HTR2A: variants seen among roughly 807,000 people sequenced by gnomAD.
HTR2A encodes the protein 5-hydroxytryptamine receptor 2A.
A neutral mutation model predicts 31.0 loss-of-function variants in HTR2A; 14 were observed. The ratio of observed to expected loss-of-function variants is 0.45; its 90% CI spans 0.30 to 0.71. HTR2A has a LOEUF of 0.71. Among genes scored for constraint, HTR2A ranks in the 30% least tolerant of loss-of-function variants. HTR2A has a pLI of 0.09. For synonymous variants in HTR2A, 209 were observed against 225.2 expected (o/e 0.93, Z 0.64); for missense variants, 442 against 573.3 (o/e 0.77, Z 2.34).
intron 3 of HTR2A, among the ~76,000 whole-genome samples, chr13:46,843,050 C>T (rs1181798076): frequency 6.6e-6 from 1 of 152,174 alleles, no homozygotes; most frequent in Non-Finnish European, 1.5e-5. Flanking sequence ...GTAAGCCATC[C>T]CTTGGTACAG....
intron 3 of HTR2A, among the ~76,000 whole-genome samples, chr13:46,845,149 A>G (rs1467511139): frequency 6.6e-6 from 1 of 152,190 alleles, no homozygotes; most frequent in Non-Finnish European, 1.5e-5. Context: ...AACAAAATAT[A>G]CACAATTGAT....
chr13:46,863,289 A>G (rs1950793721), intron 3 of HTR2A, among the ~76,000 whole-genome samples: 1 of 152,212 alleles, frequency 6.6e-6, no homozygotes, highest in South Asian at 2.1e-4. Flanking sequence ...AAAGGGAATA[A>G]GAACAAAAGT....
rs571234833 is a variant in HTR2A, at chr13:46,858,661, G to T, written c.614-23022C>A. Among the ~76,000 whole-genome samples the T allele has an allele frequency of 7.2e-5, 11 of 152,276 alleles. No homozygotes were observed. The East Asian group carries it at 2.1e-3, about 29-fold the overall frequency. ...TAATCTAGTTTTATGCCTGTCAAAA[G>T]ATCAAGTCCTAAACTAAGGCTGAAC... On this transcript the variant is annotated intron_variant, in intron 3 of 3. Coordinates refer to ENST00000542664, the MANE Select transcript of HTR2A (RefSeq NM_000621.5).
chr13:46,888,117 TAAA>T (rs1440145708), intron 3 of HTR2A, among the ~76,000 whole-genome samples: 1 of 151,380 alleles, frequency 6.6e-6, no homozygotes, highest in African/African-American at 2.4e-5. Context: ...GCTTGAGTTA[TAAA>T]GAACTTAGGT....
chr13:46,863,630 G>GAAAAAAAAAAAAAAAA (rs59693757), intron 3 of HTR2A, among the ~76,000 whole-genome samples: 108 of 59,244 alleles, frequency 1.8e-3, no homozygotes, highest in African/African-American at 3.4e-3. Flanking sequence ...CCCTCAAAAT[G>GAAAAAAAAAAAAAAAA]AAAAAAAAAA....
At chr13:46,869,988 C>T (rs2138225650) in intron 3 of HTR2A, among the ~76,000 whole-genome samples, 1 of 152,148 alleles carries the variant, frequency 6.6e-6, no homozygotes, top group Middle Eastern at 3.4e-3. Context: ...GATGGTAGCA[C>T]AAGATTGTGA....
chr13:46,886,475 TTAAA>T (rs1177283757), intron 3 of HTR2A, among the ~76,000 whole-genome samples: 2 of 146,778 alleles, frequency 1.4e-5, no homozygotes, highest in African/African-American at 4.8e-5. Context: ...ACAGATTTTG[TTAAA>T]TAAATCTATC....
intron 3 of HTR2A, among the ~76,000 whole-genome samples, chr13:46,865,763 A>G (rs1480627942): frequency 1.3e-5 from 2 of 152,272 alleles, no homozygotes; most frequent in Non-Finnish European, 2.9e-5. Flanking sequence ...ACACAGAACT[A>G]TATGATTCAA....
intron 3 of HTR2A, among the ~76,000 whole-genome samples, chr13:46,887,146 G>A (rs902508099): frequency 2.0e-5 from 3 of 152,086 alleles, no homozygotes; most frequent in African/African-American, 7.2e-5. Flanking sequence ...GCGGCCAGGC[G>A]CAGTGGCTCA....
intron 3 of HTR2A, among the ~76,000 whole-genome samples, chr13:46,849,111 C>A (rs938653519): frequency 3.3e-5 from 5 of 152,284 alleles, no homozygotes; most frequent in East Asian, 3.9e-4. Flanking sequence ...GCTCACCCCC[C>A]ACCTTTCCTT....
At chr13:46,887,117 A>G (rs939279930) in intron 3 of HTR2A, among the ~76,000 whole-genome samples, 1 of 152,124 alleles carries the variant, frequency 6.6e-6, no homozygotes, top group African/African-American at 2.4e-5. Context: ...TCCAGTATTC[A>G]ATTAAAAAGA....
chr13:46,887,975 C>T (rs924090401), intron 3 of HTR2A, among the ~76,000 whole-genome samples: 2 of 151,942 alleles, frequency 1.3e-5, no homozygotes, highest in Non-Finnish European at 2.9e-5. Flanking sequence ...GGCTTAATAC[C>T]TGGGTAATGG....
At chr13:46,862,008 T>C (rs1020578498) in intron 3 of HTR2A, among the ~76,000 whole-genome samples, 1 of 152,254 alleles carries the variant, frequency 6.6e-6, no homozygotes, top group Non-Finnish European at 1.5e-5. Context: ...GTCTTGCTAT[T>C]ATTGCCTGTC....
chr13:46,871,249 C>T (rs1877840011), intron 3 of HTR2A, among the ~76,000 whole-genome samples: 1 of 152,192 alleles, frequency 6.6e-6, no homozygotes, highest in African/African-American at 2.4e-5. Context: ...CTTATTCCAT[C>T]CTTGTGAAAA....
intron 3 of HTR2A, among the ~76,000 whole-genome samples, chr13:46,877,262 G>A (rs1292277157): frequency 6.6e-6 from 1 of 152,110 alleles, no homozygotes; most frequent in Non-Finnish European, 1.5e-5. Context: ...AACGATTCTT[G>A]CACGCTTTCC....
chr13:46,844,437 T>A (rs1950624029), intron 3 of HTR2A, among the ~76,000 whole-genome samples: 1 of 152,234 alleles, frequency 6.6e-6, no homozygotes, highest in East Asian at 1.9e-4. Flanking sequence ...TGGACATTTG[T>A]ATGATACAAA....
intron 3 of HTR2A, among the ~76,000 whole-genome samples, chr13:46,876,761 A>G (rs1950917348): frequency 6.6e-6 from 1 of 151,348 alleles, no homozygotes; most frequent in Admixed American, 6.6e-5. Flanking sequence ...TATCTGTCAA[A>G]CTCTTTTGCT....
intron 3 of HTR2A, among the ~76,000 whole-genome samples, chr13:46,873,103 T>C (rs1451944113): frequency 6.6e-6 from 1 of 152,108 alleles, no homozygotes; most frequent in Non-Finnish European, 1.5e-5. Context: ...CATTCAAAGG[T>C]GAAATGATCT....
intron 3 of HTR2A, among the ~76,000 whole-genome samples, chr13:46,840,686 G>T (rs952074019): frequency 1.2e-4 from 19 of 152,092 alleles, no homozygotes; most frequent in Admixed American, 2.0e-4. Context: ...CTGCTTATTT[G>T]TTCCTTTGAA....
Sources: allele counts gnomAD v4.1 joint callset (sites outside exome capture counted in the v4.1 genomes callset), GRCh38; gene constraint gnomAD v4.1.1; transcripts MANE v1.5; gene names NCBI Gene and HGNC (gene_info 2026-07-23, HGNC 2026-07-21).